Variants in NUMB observed in about 807,000 individuals in gnomAD.
The protein encoded by NUMB is protein numb homolog.
NUMB carries 29 observed loss-of-function variants against 59.7 expected under a neutral mutation model. That is an observed-to-expected ratio of 0.49 (90% confidence interval 0.36 to 0.66). The LOEUF is 0.66. Among genes scored for constraint, NUMB ranks in the 30% least tolerant of loss-of-function variants. The pLI is 0.00. For missense variants in NUMB, 723 were observed against 822.0 expected (o/e 0.88, Z 1.47); for synonymous variants, 288 against 288.2 (o/e 1.00, Z 0.01).
intron 12 of NUMB, among the ~76,000 whole-genome samples, chr14:73,278,721 C>CTTTTTTT (rs35813203): frequency 8.6e-5 from 5 of 58,044 alleles, no homozygotes; most frequent in Non-Finnish European, 1.1e-4. Flanking sequence ...GCCCTGGAAT[C>CTTTTTTT]TTTTTTTTTT....
intron 6 of NUMB, among the ~76,000 whole-genome samples, chr14:73,310,209 G>A (rs1669828324): frequency 1.3e-5 from 2 of 152,198 alleles, no homozygotes; most frequent in African/African-American, 4.8e-5. Flanking sequence ...ACAACAGGGA[G>A]TTGCAGGGAT....
At chr14:73,360,011 T>C (rs764532851) in intron 3 of NUMB, among the ~76,000 whole-genome samples, 2 of 152,240 alleles carry the variant, frequency 1.3e-5, no homozygotes, top group Non-Finnish European at 2.9e-5. Context: ...AAGCCACTAG[T>C]ATTTATTTCT....
chr14:73,413,031 GCTGT>G (rs1051848862), intron 1 of NUMB, among the ~76,000 whole-genome samples: 18 of 151,976 alleles, frequency 1.2e-4, no homozygotes, highest in Middle Eastern at 3.4e-3. Context: ...AATAAAACAG[GCTGT>G]CTGACTCCAG....
rs76730955 is a variant in NUMB, at chr14:73,359,891, A to T, written c.-15-4125T>A. ...TTCCCTCACCCCCGACTCTCCCCTT[A>T]TCCAAGCCATCAACAAAAGACTTCT... On this transcript the variant is annotated intron_variant, in intron 3 of 12. Transcript: ENST00000555238. Among the ~76,000 whole-genome samples the T allele has an allele frequency of 1.6e-4, 24 of 152,102 alleles. No homozygotes were observed. The East Asian group carries it at 4.4e-3, about 28-fold the overall frequency.
intron 2 of NUMB, among the ~76,000 whole-genome samples, chr14:73,381,726 T>G (rs1050076882): frequency 6.6e-6 from 1 of 152,230 alleles, no homozygotes; most frequent in Non-Finnish European, 1.5e-5. Context: ...AATCCTCATA[T>G]GTTTGCCTTA....
At chr14:73,329,669 G>T (rs73309012) in intron 4 of NUMB, among the ~76,000 whole-genome samples, 1 of 152,214 alleles carries the variant, frequency 6.6e-6, no homozygotes, top group Middle Eastern at 3.4e-3. Context: ...TACTCTCTTT[G>T]AACTTCCCAT....
At chr14:73,308,501 T>C (rs1890590646) in intron 6 of NUMB, among the ~76,000 whole-genome samples, 1 of 152,224 alleles carries the variant, frequency 6.6e-6, no homozygotes, top group Non-Finnish European at 1.5e-5. Context: ...CTCATATTTA[T>C]TCATCTAATC....
chr14:73,342,270 G>A (rs1324189462), intron 4 of NUMB, among the ~76,000 whole-genome samples: 1 of 152,188 alleles, frequency 6.6e-6, no homozygotes, highest in Non-Finnish European at 1.5e-5. Context: ...AGCAAATTTA[G>A]CTATGAAGAC....
chr14:73,278,918 G>A (rs915898711), intron 12 of NUMB, among the ~76,000 whole-genome samples: 1 of 151,908 alleles, frequency 6.6e-6, no homozygotes, highest in Non-Finnish European at 1.5e-5. Flanking sequence ...AGTAGAGATG[G>A]TTTCACCATG....
intron 2 of NUMB, among the ~76,000 whole-genome samples, chr14:73,373,727 A>C (rs1894813743): frequency 6.8e-6 from 1 of 147,082 alleles, no homozygotes; most frequent in African/African-American, 2.5e-5. Flanking sequence ...TTTTTTTTTA[A>C]AGACAGGGTC....
At chr14:73,357,499 G>A (rs1020525331) in intron 3 of NUMB, among the ~76,000 whole-genome samples, 19 of 149,580 alleles carry the variant, frequency 1.3e-4, no homozygotes, top group Admixed American at 1.2e-3. Context: ...TGGCTCACGT[G>A]TGTAATCCCA....
At chr14:73,319,793 C>T (rs527659828) in intron 5 of NUMB, among the ~76,000 whole-genome samples, 7 of 152,168 alleles carry the variant, frequency 4.6e-5, no homozygotes, top group South Asian at 4.1e-4. Flanking sequence ...TAAAGACTTC[C>T]GATTTTCTGC....
At chr14:73,417,052 AGAG>A (rs916387738) in intron 1 of NUMB, among the ~76,000 whole-genome samples, 1 of 151,866 alleles carries the variant, frequency 6.6e-6, no homozygotes, top group African/African-American at 2.4e-5. Flanking sequence ...GGATGGCTGG[AGAG>A]GAGATCGGTC....
At chr14:73,319,571 A>C (rs866313841) in intron 5 of NUMB, among the ~76,000 whole-genome samples, 2 of 152,346 alleles carry the variant, frequency 1.3e-5, no homozygotes, top group Middle Eastern at 3.4e-3. Context: ...ATCTATAAAA[A>C]AAACAAACAA....
intron 1 of NUMB, among the ~76,000 whole-genome samples, chr14:73,420,558 A>C (rs894423242): frequency 2.0e-5 from 3 of 152,130 alleles, no homozygotes; most frequent in Admixed American, 2.0e-4. Context: ...AGTGGCTCAC[A>C]CCTGTAATCC....
intron 3 of NUMB, among the ~76,000 whole-genome samples, chr14:73,364,632 G>A (rs115584176): frequency 0.019 from 2,864 of 151,976 alleles, 83 homozygotes; most frequent in African/African-American, 0.065. Flanking sequence ...ATAAGAATGC[G>A]CACTATTTTT....
chr14:73,314,974 A>T (rs1331000663), intron 6 of NUMB, among the ~76,000 whole-genome samples: 1 of 152,184 alleles, frequency 6.6e-6, no homozygotes, highest in Non-Finnish European at 1.5e-5. Context: ...CTAGATATGT[A>T]TCCCATATTC....
chr14:73,432,737 A>T (rs978824881), intron 1 of NUMB, among the ~76,000 whole-genome samples: 1 of 152,198 alleles, frequency 6.6e-6, no homozygotes, highest in Non-Finnish European at 1.5e-5. Flanking sequence ...CACAAAAGGT[A>T]TGGTGAAGGA....
chr14:73,276,847 G>T lies in NUMB; in HGVS notation c.1687C>A (p.Pro563Thr), dbSNP rs1056431518. Reference protein sequence around the residue: ...SPSLVRQQTFPHYEASSATTS... With the variant: ...SPSLVRQQTFTHYEASSATTS... ...GTAGCACTGCTTGCCTCGTAGTGAG[G>T]GAATGTCTGCTGCCTGACCAGGCTG... is the stretch of plus-strand genomic sequence containing the variant. The change falls in exon 13 of 13, where the codon CCT becomes ACT. Residue 563 changes from proline (P) to threonine (T), a missense_variant. Physicochemically the swap from Pro to Thr is conservative, Grantham distance 38. Transcript: ENST00000555238. 5 of 1,614,112 alleles carry T rather than the reference G, an allele frequency of 3.1e-6. No homozygotes were observed. Among genetic ancestry groups the T allele is most frequent in the Non-Finnish European group, 4.2e-6 (5 of 1,180,006 alleles).
Sources: gnomAD v4.1 joint callset for allele counts (sites outside exome capture counted in the v4.1 genomes callset) on GRCh38, gnomAD v4.1.1 for gene constraint, MANE v1.5 for transcripts, NCBI Gene and HGNC (gene_info 2026-07-23, HGNC 2026-07-21) for gene names.